The following ARNT variants were observed in gnomAD, a reference collection of about 807,000 sequenced individuals.
ARNT encodes aryl hydrocarbon receptor nuclear translocator, also known as class E basic helix-loop-helix protein 2.
A neutral mutation model predicts 105.0 loss-of-function variants in ARNT; 30 were observed. That is an observed-to-expected ratio of 0.29 (90% CI 0.21 to 0.39). ARNT has a LOEUF of 0.39. Ranked by LOEUF, ARNT falls within the 10% of genes least tolerant of loss-of-function variation. ARNT has a pLI of 1.00. For synonymous variants in ARNT, 304 were observed against 344.0 expected, an observed-to-expected ratio of 0.88 and a Z score of 1.29; for missense variants, 748 against 978.7, an observed-to-expected ratio of 0.76 and a Z score of 3.15.
At chr1:150,873,997 T>G (rs1571561133) in intron 1 of ARNT, among the ~76,000 whole-genome samples, 2 of 109,268 alleles carry the variant, frequency 1.8e-5, no homozygotes, top group East Asian at 5.4e-4. Flanking sequence ...TTTAAAATCT[T>G]GACAAAACTA....
chr1:150,816,208 C>A, intron 19 of ARNT, 51 bp downstream of exon 19: 1 of 1,548,234 alleles, frequency 6.5e-7, no homozygotes, highest in Non-Finnish European at 8.7e-7. Flanking sequence ...GGAAAAAAGC[C>A]CAAACAAACA....
At chr1:150,866,166 A>G (rs901750156) in intron 1 of ARNT, among the ~76,000 whole-genome samples, 1 of 152,062 alleles carries the variant, frequency 6.6e-6, no homozygotes, top group African/African-American at 2.4e-5. Context: ...TATTTTTAGT[A>G]GAGACGGGGT....
At chr1:150,864,025 G>GT (rs947977177) in intron 1 of ARNT, among the ~76,000 whole-genome samples, 81 of 152,116 alleles carry the variant, frequency 5.3e-4, no homozygotes, top group African/African-American at 1.9e-3. Flanking sequence ...ACACACCTAG[G>GT]TATGTAGGTG....
intron 4 of ARNT, among the ~76,000 whole-genome samples, chr1:150,844,623 C>T (rs1485040932): frequency 6.6e-6 from 1 of 151,952 alleles, no homozygotes; most frequent in African/African-American, 2.4e-5. Flanking sequence ...TCTGAGGTAG[C>T]TACAAACTTA....
intron 1 of ARNT, among the ~76,000 whole-genome samples, chr1:150,862,711 G>GT (rs1355401322): frequency 4.0e-4 from 16 of 40,160 alleles, no homozygotes; most frequent in Non-Finnish European, 2.6e-4. Flanking sequence ...TCCTGCCTCT[G>GT]TAAAAAAAAA....
rs367766946 is a variant in ARNT, at chr1:150,821,828, C to CTT, written c.1394+1364_1394+1365dup. On this transcript the variant is annotated intron_variant, in intron 14 of 21. Transcript: ENST00000358595. ...CATGCCCAGCTAATTTTTGTATTTT[C>CTT]TTTTTTTTTTTTTTTTTTTTTTCAG... 2.0e-3 allele frequency among the ~76,000 whole-genome samples: 234 copies of CTT among 114,852 alleles called. 3 individuals carry two copies. Among genetic ancestry groups the CTT allele is most frequent in the African/African-American group, 7.6e-3 (210 of 27,688 alleles). The allele number at this position is 114,852 out of a possible 152,430, so 75.3% of individuals were successfully genotyped here. A position where few individuals can be genotyped will look rare whatever the true frequency, so the allele number is the denominator to read the frequency against.
chr1:150,850,075 C>T (rs890442065), intron 3 of ARNT, among the ~76,000 whole-genome samples: 1 of 152,026 alleles, frequency 6.6e-6, no homozygotes, highest in African/African-American at 2.4e-5. Context: ...AATAAATAGT[C>T]CATTTTAAAA....
At chr1:150,852,131 G>A (rs1193259280) in intron 3 of ARNT, among the ~76,000 whole-genome samples, 1 of 152,084 alleles carries the variant, frequency 6.6e-6, no homozygotes, top group Non-Finnish European at 1.5e-5. Context: ...GTATGACAGA[G>A]TCACAGATTA....
intron 7 of ARNT, 88 bp downstream of exon 7, chr1:150,836,192 A>G: frequency 7.5e-7 from 1 of 1,340,556 alleles, no homozygotes; most frequent in Non-Finnish European, 1.0e-6. Flanking sequence ...GAGTCAACAA[A>G]CCAATTTAAC....
In ARNT at chr1:150,829,146, T is replaced by C; in HGVS notation, c.1114A>G (p.Ile372Val). The stretch of plus-strand genomic sequence containing the variant: ...CAGCGGTGATCCACAAAAGTGAAGA[T>C]ACCCTCAATGTTGTGTCGGGAGATG... ...EFISRHNIEG[I>V]FTFVDHRCVA... The change falls in exon 12 of 22, where the codon ATC (isoleucine) becomes GTC (valine). Residue 372 changes from isoleucine to valine, a missense_variant. This residue lies in a region of ARNT where 291 missense variants were observed against 444.6 expected (regional missense o/e 0.65). Coordinates refer to ENST00000358595, the MANE Select transcript of ARNT (RefSeq NM_001668.4). 1.2e-6 allele frequency: 2 copies of C among 1,614,190 alleles called. No individual in the cohort carries two copies. Among genetic ancestry groups the C allele is most frequent in the Non-Finnish European group, 1.7e-6 (2 of 1,180,034 alleles).
In ARNT at chr1:150,810,582, A is replaced by G. The variant is rs1654545376; in HGVS notation, c.*1439T>C. 9.3e-6 allele frequency: 2 copies of G among 214,562 alleles called. No homozygotes were observed. The highest frequency in any genetic ancestry group is 1.9e-5 in the Non-Finnish European group (2 of 106,364). The allele number at this position is 214,562 out of a possible 1,614,324, so 13.3% of individuals were successfully genotyped here. A position where few individuals can be genotyped will look rare whatever the true frequency, so the allele number is the denominator to read the frequency against. ...AGTCCCCTATGACTACATTTAATAT[A>G]TCTTCTCATTAATTCAGTCTTGCAC... On this transcript the variant is annotated 3_prime_UTR_variant, in exon 22 of 22. Transcript: ENST00000358595.
At chr1:150,851,338 C>T (rs1460799985) in intron 3 of ARNT, among the ~76,000 whole-genome samples, 13 of 151,728 alleles carry the variant, frequency 8.6e-5, no homozygotes, top group South Asian at 2.1e-4. Context: ...TCTGCCCGGC[C>T]GCCACCCCGT....
chr1:150,829,094 T>C lies in ARNT; in HGVS notation c.1166A>G (p.Gln389Arg). 1 of 1,614,016 alleles carries C rather than the reference T, an allele frequency of 6.2e-7. No homozygotes were observed. Among genetic ancestry groups the C allele is most frequent in the Non-Finnish European group, 8.5e-7 (1 of 1,179,910 alleles). Residue 389 changes from glutamine (Q) to arginine (R), a missense_variant and splice_region_variant, in exon 12 of 22, where the codon CAG becomes CGG. Coordinates refer to ENST00000358595, the MANE Select transcript of ARNT (RefSeq NM_001668.4). ...RCVATVGYQP[Q>R]ELLGKNIVEF... ...CCTAATGGAGCTCCAGCTCCTCACC[T>C]GTGGCTGGTAGCCAACAGTAGCCAC...
chr1:150,828,942 G>A, intron 12 of ARNT, 151 bp downstream of exon 12: 1 of 912,798 alleles, frequency 1.1e-6, no homozygotes, highest in South Asian at 2.3e-5. Context: ...CTAATAGGAA[G>A]CTGAAAATAA....
intron 19 of ARNT, among the ~76,000 whole-genome samples, chr1:150,815,761 G>C (rs587748348): frequency 6.6e-6 from 1 of 151,316 alleles, no homozygotes; most frequent in East Asian, 1.9e-4. Context: ...CTACTTGGAA[G>C]GCTGAGGCAG....
rs2229175 is a variant in ARNT at position 150,823,299 on chromosome 1, C to A, written c.1289G>T (p.Arg430Leu). Reference protein sequence around the residue: ...GQVLSVMFRFRSKNQEWLWMR... With the variant: ...GQVLSVMFRFLSKNQEWLWMR... Reference sequence around the variant, plus strand: ...CCAGAGCCATTCTTGGTTCTTAGACCGGAACCGGAACATGACAGACAGCAC... The same window carrying A: ...CCAGAGCCATTCTTGGTTCTTAGACAGGAACCGGAACATGACAGACAGCAC... The change falls in exon 14 of 22, where the codon CGG becomes CTG. Residue 430 changes from arginine (R) to leucine (L), a missense_variant. Physicochemically the swap from Arg to Leu is moderately radical, Grantham distance 102 (BLOSUM62 -2). Coordinates refer to ENST00000358595, the MANE Select transcript of ARNT (RefSeq NM_001668.4). The A allele has an allele frequency of 3.7e-6, 6 of 1,613,626 alleles. No homozygotes were observed. The highest frequency in any genetic ancestry group is 1.1e-5 in the South Asian group (1 of 91,046).
chr1:150,813,947 A>T, intron 20 of ARNT, 130 bp downstream of exon 20: 1 of 1,267,452 alleles, frequency 7.9e-7, no homozygotes, highest in Non-Finnish European at 1.1e-6. Flanking sequence ...AATTCTAAAT[A>T]GATTGTCACC....
At chr1:150,876,378 G>C (rs1306291513) in intron 1 of ARNT, among the ~76,000 whole-genome samples, 165 bp downstream of exon 1, 1 of 152,140 alleles carries the variant, frequency 6.6e-6, no homozygotes. Flanking sequence ...AAGTCCCCGG[G>C]ATCGGGCCCC....
chr1:150,826,700 G>A (rs1045998197), intron 12 of ARNT, 83 bp from the exon 13 acceptor site: 60 of 1,048,892 alleles, frequency 5.7e-5, no homozygotes, highest in East Asian at 3.0e-4. Context: ...GCTGGAGTAC[G>A]ATGGCGCGAT....
Sources: allele counts gnomAD v4.1 joint callset (sites outside exome capture counted in the v4.1 genomes callset), GRCh38; gene constraint gnomAD v4.1.1; regional missense constraint gnomAD v4.1.1; transcripts MANE v1.5; gene names NCBI Gene and HGNC (gene_info 2026-07-23, HGNC 2026-07-21).